The following ZNF143 variants were observed in gnomAD, a reference collection of about 807,000 sequenced individuals.
The protein encoded by ZNF143 is zinc finger protein 143, also known as SPH-binding factor.
In ZNF143, 49 loss-of-function variants were observed where a neutral mutation model predicts 74.1. The observed-to-expected ratio is 0.66, with a 90% confidence interval of 0.53 to 0.84. The LOEUF (loss-of-function observed/expected upper bound fraction) is 0.84. ZNF143 is among the 40% of genes least tolerant of loss of function. The pLI is 0.00. For missense variants in ZNF143, 637 were observed against 793.4 expected (o/e 0.80, Z 2.37); for synonymous variants, 304 against 282.8 (o/e 1.07, Z -0.75).
At chr11:9,526,088 T>G (rs542833142) in intron 15 of ZNF143, among the ~76,000 whole-genome samples, 1 of 152,172 alleles carries the variant, frequency 6.6e-6, no homozygotes, top group Admixed American at 6.6e-5. Context: ...GAGGCTGCAG[T>G]GAGCCAAGAT....
chr11:9,527,150 A>G lies in ZNF143; in HGVS notation c.1834-380A>G, dbSNP rs78966377. On this transcript the variant is annotated intron_variant, in intron 15 of 15. Transcript: ENST00000396602. The stretch of plus-strand genomic sequence containing the variant: ...GCCCAGCCAATTTTTGTATTTTTTT[A>G]GTAGAGATGGGGCGTTTTGCCATGT... 9.9e-3 allele frequency among the ~76,000 whole-genome samples: 1,496 copies of G among 151,286 alleles called. 18 individuals are homozygous for G. Among genetic ancestry groups the G allele is most frequent in the African/African-American group, 0.035 (1,441 of 41,224 alleles).
At chr11:9,500,311 T>C (rs367792119) in intron 10 of ZNF143, among the ~76,000 whole-genome samples, 3 of 150,176 alleles carry the variant, frequency 2.0e-5, no homozygotes, top group East Asian at 3.9e-4. Context: ...TTTTGACATA[T>C]GTGCTAGGCA....
intron 1 of ZNF143, among the ~76,000 whole-genome samples, 192 bp downstream of exon 1, chr11:9,461,268 C>A (rs546034177): frequency 5.3e-4 from 80 of 152,240 alleles, no homozygotes; most frequent in South Asian, 1.0e-3. Flanking sequence ...ATTAATAACC[C>A]GCGGCCGCCA....
At position 9,508,635 on chromosome 11, in the gene ZNF143, T is replaced by C. The variant is rs1484932854; in HGVS notation, c.1164T>C (p.Val388=). The change falls in exon 12 of 16, where the codon GTT becomes GTC. Residue 388 remains valine (V), a synonymous_variant. Transcript: ENST00000396602. The stretch of plus-strand genomic sequence containing the variant: ...GCTCTTTAGGAGAAAAGCCATATGT[T>C]TGTACAGTTCCTGGGTGTGACAAAA... ...VRIHTGEKPY[V]CTVPGCDKRF... The C allele has an allele frequency of 1.2e-6, 2 of 1,612,296 alleles. No homozygotes were observed. The highest frequency in any genetic ancestry group is 1.7e-6 in the Non-Finnish European group (2 of 1,180,018).
chr11:9,490,294 C>CTTTTTTTTTTTTTTTTTTTTTTTTTT (rs56672880), intron 7 of ZNF143, among the ~76,000 whole-genome samples: 2 of 94,014 alleles, frequency 2.1e-5, no homozygotes, highest in Non-Finnish European at 4.0e-5. Context: ...TTTTTTTTTG[C>CTTTTTTTTTTTTTTTTTTTTTTTTTT]TTTTTTTTTT....
In ZNF143 at chr11:9,473,952, A is replaced by G; in HGVS notation, c.217A>G (p.Ile73Val). 6.2e-7 allele frequency: 1 copy of G among 1,614,158 alleles called. No individual in the cohort carries two copies. Among genetic ancestry groups the G allele is most frequent in the Non-Finnish European group, 8.5e-7 (1 of 1,180,000 alleles). ...ATCTTTTGTTATAGATGCAAAACTC[A>G]TAGATGGCCAGGTCATTCAGTTGGA... The part of the protein sequence containing the change: ...IQHNSKDAKL[I>V]DGQVIQLEDG... Residue 73 changes from isoleucine (I) to valine (V), a missense_variant, in exon 4 of 16, where the codon ATA (isoleucine) becomes GTA (valine). By Grantham distance (29) the Ile-to-Val change is conservative. Coordinates refer to ENST00000396602, the MANE Select transcript of ZNF143 (RefSeq NM_003442.6).
chr11:9,493,003 ATTC>A (rs1297086972), intron 7 of ZNF143, among the ~76,000 whole-genome samples: 1 of 151,506 alleles, frequency 6.6e-6, no homozygotes, highest in Admixed American at 6.6e-5. Flanking sequence ...GAATTATATT[ATTC>A]TTTGTATAGG....
intron 3 of ZNF143, among the ~76,000 whole-genome samples, chr11:9,473,089 G>A (rs968623987): frequency 1.3e-5 from 2 of 151,902 alleles, no homozygotes; most frequent in Admixed American, 1.3e-4. Flanking sequence ...CCAAATACCT[G>A]TAAGAGTAAA....
chr11:9,516,654 AT>A (rs1848734704), intron 14 of ZNF143, among the ~76,000 whole-genome samples: 1 of 152,188 alleles, frequency 6.6e-6, no homozygotes. Context: ...TATTATCATC[AT>A]TATCAGATAC....
At position 9,508,646 on chromosome 11, in the gene ZNF143, C is replaced by T; in HGVS notation, c.1175C>T (p.Pro392Leu). 6.2e-7 allele frequency: 1 copy of T among 1,613,102 alleles called. No individual in the cohort carries two copies. Among genetic ancestry groups the T allele is most frequent in the South Asian group, 1.1e-5 (1 of 91,074 alleles). Reference sequence around the variant, plus strand: ...GAAAAGCCATATGTTTGTACAGTTCCTGGGTGTGACAAAAGGTTTACAGAA... The same window carrying T: ...GAAAAGCCATATGTTTGTACAGTTCTTGGGTGTGACAAAAGGTTTACAGAA... ...TGEKPYVCTVPGCDKRFTEYS... is the reference protein window; with the variant it reads ...TGEKPYVCTVLGCDKRFTEYS... The change falls in exon 12 of 16, where the codon CCT (proline) becomes CTT (leucine). Residue 392 changes from proline to leucine, a missense_variant. Physicochemically the swap from Pro to Leu is moderately conservative, Grantham distance 98. Around this residue, in one of 2 missense-constraint regions of ZNF143, gnomAD observed 344 missense variants for 485.6 expected, o/e 0.71. Transcript: ENST00000396602.
chr11:9,493,255 A>G lies in ZNF143; in HGVS notation c.646-1391A>G, dbSNP rs557632620. 4.6e-5 allele frequency among the ~76,000 whole-genome samples: 7 copies of G among 152,094 alleles called. No homozygotes were observed. In the East Asian group the frequency reaches 1.2e-3, roughly 25 times the overall value. ...CCCAGCTAATTTTTGTATTTTTAGT[A>G]GAGATGAGGTTTCACCATGTTAGCC... On this transcript the variant is annotated intron_variant, in intron 7 of 15. Coordinates refer to ENST00000396602, the MANE Select transcript of ZNF143 (RefSeq NM_003442.6).
intron 7 of ZNF143, among the ~76,000 whole-genome samples, chr11:9,485,187 T>C (rs1292225615): frequency 6.6e-6 from 1 of 151,254 alleles, no homozygotes; most frequent in Admixed American, 6.6e-5. Flanking sequence ...GTAATCTTAC[T>C]CTACGTATCT....
intron 4 of ZNF143, 137 bp from the exon 5 acceptor site, chr11:9,474,409 AACTT>A: frequency 1.2e-6 from 1 of 807,546 alleles, no homozygotes; most frequent in Non-Finnish European, 2.0e-6. Context: ...AGCTTTACTG[AACTT>A]ACTTAAATGT....
chr11:9,514,022 T>C (rs957442943), intron 13 of ZNF143, among the ~76,000 whole-genome samples: 1 of 152,146 alleles, frequency 6.6e-6, no homozygotes, highest in African/African-American at 2.4e-5. Flanking sequence ...GAATCATAGC[T>C]CAAAGGACTA....
In ZNF143 at chr11:9,478,603, T is replaced by G; in HGVS notation, c.570+17T>G. 1 of 1,591,270 alleles carries G rather than the reference T, an allele frequency of 6.3e-7. No homozygotes were observed. The highest frequency in any genetic ancestry group is 8.6e-7 in the Non-Finnish European group (1 of 1,161,490). On this transcript the variant is annotated intron_variant, in intron 6 of 15. Transcript: ENST00000396602. ...GCAGCAAAGGTATAGCATTTCACAA[T>G]GTCAAGAATGTTGCAGATATAGCTT... is the stretch of plus-strand genomic sequence containing the variant.
chr11:9,524,743 A>T (rs1414954612), intron 14 of ZNF143, among the ~76,000 whole-genome samples: 1 of 152,198 alleles, frequency 6.6e-6, no homozygotes, highest in Non-Finnish European at 1.5e-5. Context: ...AAAATGGGAA[A>T]TGAGTATGAG....
chr11:9,488,977 A>T (rs548324268), intron 7 of ZNF143, among the ~76,000 whole-genome samples: 55 of 152,314 alleles, frequency 3.6e-4, no homozygotes, highest in African/African-American at 1.2e-3. Context: ...AAACATTTCC[A>T]ATACAAGGGG....
intron 5 of ZNF143, among the ~76,000 whole-genome samples, chr11:9,475,533 G>A (rs1342118290): frequency 6.6e-6 from 1 of 152,102 alleles, no homozygotes; most frequent in Non-Finnish European, 1.5e-5. Flanking sequence ...CTCCTGCTCC[G>A]ACCTCCCAAA....
At chr11:9,479,404 ATGTAC>A (rs1847151089) in intron 6 of ZNF143, 63 bp from the exon 7 acceptor site, 22 of 1,296,404 alleles carry the variant, frequency 1.7e-5, no homozygotes, top group Non-Finnish European at 2.4e-5. Flanking sequence ...TCCCTGAACC[ATGTAC>A]TTAACCAGCC....
Sources: gnomAD v4.1 joint callset for allele counts (sites outside exome capture counted in the v4.1 genomes callset) on GRCh38, gnomAD v4.1.1 for gene constraint, gnomAD v4.1.1 regional missense constraint, MANE v1.5 for transcripts, NCBI Gene and HGNC (gene_info 2026-07-23, HGNC 2026-07-21) for gene names.